IMPACT: variants seen among roughly 807,000 people sequenced by gnomAD.
The protein encoded by IMPACT is protein IMPACT.
A neutral mutation model predicts 47.5 loss-of-function variants in IMPACT; 35 were observed. The observed-to-expected ratio is 0.74, with a 90% CI of 0.56 to 0.98. The LOEUF (loss-of-function observed/expected upper bound fraction) is 0.98, where lower values mean the gene tolerates loss of function less well. Among genes scored for constraint, IMPACT ranks in the 50% least tolerant of loss-of-function variants. The pLI is 0.00. For missense variants in IMPACT, 373 were observed against 394.8 expected, an observed-to-expected ratio of 0.94 and a Z score of 0.47; for synonymous variants, 118 against 125.6, an observed-to-expected ratio of 0.94 and a Z score of 0.40.
intron 5 of IMPACT, among the ~76,000 whole-genome samples, chr18:24,439,016 G>A (rs1029197515): frequency 6.6e-6 from 1 of 152,154 alleles, no homozygotes; most frequent in Admixed American, 6.5e-5. Context: ...GCAGGCTGGG[G>A]ACCCAGGGAA....
At position 24,450,812 on chromosome 18, in the gene IMPACT, AAAGT is replaced by A; in HGVS notation, c.932_935del (p.Val311GlufsTer12). 4 of 1,610,734 alleles carry A rather than the reference AAAGT, an allele frequency of 2.5e-6. No individual in the cohort carries two copies. Among genetic ancestry groups the A allele is most frequent in the Admixed American group, 1.7e-5 (1 of 59,938 alleles). On this transcript the variant is annotated frameshift_variant, in exon 11 of 11. Coordinates refer to ENST00000284202, the MANE Select transcript of IMPACT (RefSeq NM_018439.4). LOFTEE classifies it high-confidence loss of function. ...ATCTAAGGCTTTGGGAAAGAACAAA[AAAGT>A]AAGAAAAGACAAGAAGAGGAATGAA...
intron 7 of IMPACT, 85 bp from the exon 8 acceptor site, chr18:24,445,308 C>A: frequency 1.3e-6 from 1 of 792,562 alleles, no homozygotes; most frequent in Non-Finnish European, 2.1e-6. Context: ...TATTTTAATA[C>A]AGCATGCTTC....
intron 8 of IMPACT, among the ~76,000 whole-genome samples, chr18:24,446,671 T>G (rs1599767619): frequency 2.0e-5 from 3 of 152,228 alleles, no homozygotes; most frequent in African/African-American, 7.2e-5. Context: ...TTAATATTAC[T>G]AATTTCACAT....
At chr18:24,447,272 A>G (rs1909271373) in intron 8 of IMPACT, among the ~76,000 whole-genome samples, 1 of 152,176 alleles carries the variant, frequency 6.6e-6, no homozygotes. Flanking sequence ...TTAAAAGTTT[A>G]CAGCTTTTTA....
chr18:24,448,152 C>G lies in IMPACT; in HGVS notation c.728C>G (p.Ala243Gly), dbSNP rs761761502. The change falls in exon 9 of 11, where the codon GCA (alanine) becomes GGA (glycine). Residue 243 changes from alanine to glycine, a missense_variant. Ala to Gly is a moderately conservative substitution (Grantham distance 60). Coordinates refer to ENST00000284202, the MANE Select transcript of IMPACT (RefSeq NM_018439.4). ...GATTGTGAGGATGATGGGGAAACAG[C>G]AGCTGGTGGGCGTCTTCTTCATCTC... The part of the protein sequence containing the change: ...LQDCEDDGET[A>G]AGGRLLHLME... 3.7e-6 allele frequency: 6 copies of G among 1,613,300 alleles called. No homozygotes were observed. The highest frequency in any genetic ancestry group is 1.7e-5 in the Admixed American group (1 of 59,998).
rs1383028790 is a variant in IMPACT, at chr18:24,443,041, A to G, written c.491-8A>G. On this transcript the variant is annotated splice_polypyrimidine_tract_variant and splice_region_variant and intron_variant, in intron 6 of 10. Transcript: ENST00000284202. ...TTTTAAAAAATAAAGTTTCTTTTAC[A>G]TTTCTAGAAGTAGAAGTAGAAGAAT... is the stretch of plus-strand genomic sequence containing the variant. 4.1e-6 allele frequency: 6 copies of G among 1,464,870 alleles called. No individual in the cohort carries two copies. The South Asian group carries it at 7.2e-5, about 18-fold the overall frequency. The allele number at this position is 1,464,870 out of a possible 1,614,324, so 90.7% of individuals were successfully genotyped here.
chr18:24,445,734 T>C (rs780412826), intron 8 of IMPACT, among the ~76,000 whole-genome samples: 1 of 152,220 alleles, frequency 6.6e-6, no homozygotes, highest in Admixed American at 6.5e-5. Context: ...TATTTACCCT[T>C]GTATCCTGTT....
At chr18:24,450,727 T>G (rs1909363162) in intron 10 of IMPACT, 52 bp from the exon 11 acceptor site, 1 of 1,170,688 alleles carries the variant, frequency 8.5e-7, no homozygotes, top group East Asian at 2.3e-5. Flanking sequence ...AGATTGAAGA[T>G]TTCATCTTTA....
In IMPACT at chr18:24,427,442, C is replaced by T. The variant is rs185891626; in HGVS notation, c.37-477C>T. 1.8e-3 allele frequency: 273 copies of T among 153,766 alleles called. 1 individual carries two copies. The highest frequency in any genetic ancestry group is 6.5e-3 in the African/African-American group (269 of 41,498). The allele number at this position is 153,766 out of a possible 1,614,324, so 9.5% of individuals were successfully genotyped here. On this transcript the variant is annotated intron_variant, in intron 1 of 10. Transcript: ENST00000284202. ...CAAGCAACCACCCACCCATCTAGTC[C>T]TTGTGTACCCCCTCCCCACCTCCCC...
At chr18:24,446,027 T>C (rs574094151) in intron 8 of IMPACT, among the ~76,000 whole-genome samples, 251 of 152,236 alleles carry the variant, frequency 1.6e-3, no homozygotes, top group African/African-American at 5.6e-3. Flanking sequence ...TATCAAAAAG[T>C]GTGAACAATT....
rs535856640 is a variant in IMPACT at position 24,451,028 on chromosome 18, C to G, written c.*181C>G. ...CTGCCAAAAATAGAGAACTTATGAT[C>G]TATTCATGTGTGTTTCAGGCTTATT... On this transcript the variant is annotated 3_prime_UTR_variant, in exon 11 of 11. Transcript: ENST00000284202. The G allele has an allele frequency of 4.1e-6, 2 of 486,064 alleles. No individual in the cohort carries two copies. The highest frequency in any genetic ancestry group is 6.7e-5 in the East Asian group (2 of 29,874). The allele number at this position is 486,064 out of a possible 1,614,324, so 30.1% of individuals were successfully genotyped here. A position where few individuals can be genotyped will look rare whatever the true frequency, so the allele number is the denominator to read the frequency against.
At chr18:24,432,139 CTG>C in intron 4 of IMPACT, among the ~76,000 whole-genome samples, 1 of 152,326 alleles carries the variant, frequency 6.6e-6, no homozygotes, top group East Asian at 1.9e-4. Context: ...GTTTAAGCCA[CTG>C]TGCCTGGCCA....
intron 6 of IMPACT, among the ~76,000 whole-genome samples, chr18:24,442,609 A>G (rs185640704): frequency 6.6e-4 from 101 of 152,382 alleles, no homozygotes; most frequent in Non-Finnish European, 1.3e-3. Context: ...TACACAATAT[A>G]AAGAATATAA....
At chr18:24,426,973 G>T in intron 1 of IMPACT, 181 bp downstream of exon 1, 3 of 426,628 alleles carry the variant, frequency 7.0e-6, no homozygotes, top group Non-Finnish European at 7.9e-6. Flanking sequence ...AGCGCTCTTA[G>T]GCCGGCGGCT....
At position 24,453,437 on chromosome 18, in the gene IMPACT, T is replaced by A. The variant is rs1262024559; in HGVS notation, c.*2590T>A. ...TATTTTTCTTTCCATAAAAATGGTA[T>A]TAAACTGTATATACTGTTTTGTAGC... is the stretch of plus-strand genomic sequence containing the variant. On this transcript the variant is annotated 3_prime_UTR_variant, in exon 11 of 11. Coordinates refer to ENST00000284202, the MANE Select transcript of IMPACT (RefSeq NM_018439.4). The A allele has an allele frequency of 6.6e-6, 1 of 152,214 alleles. No individual in the cohort carries two copies. The highest frequency in any genetic ancestry group is 1.5e-5 in the Non-Finnish European group (1 of 68,026). The allele number at this position is 152,214 out of a possible 1,614,324, so 9.4% of individuals were successfully genotyped here.
rs548709392 is a variant in IMPACT, at chr18:24,445,194, G to A, written c.595-199G>A. Among the ~76,000 whole-genome samples the A allele has an allele frequency of 5.9e-4, 90 of 152,164 alleles. 1 individual carries two copies. Among genetic ancestry groups the A allele is most frequent in the Non-Finnish European group, 1.0e-3 (70 of 68,028 alleles). On this transcript the variant is annotated intron_variant, in intron 7 of 10. Coordinates refer to ENST00000284202, the MANE Select transcript of IMPACT (RefSeq NM_018439.4). ...ATTAGTGCTCAAAAATACCAGGTCT[G>A]TCATTTTTATACCAATTATGAGTAC... is the stretch of plus-strand genomic sequence containing the variant.
rs1714834013 is a variant in IMPACT, at chr18:24,451,985, T to G, written c.*1138T>G. ...GAAATTTACCTTTGAGATATAACAA[T>G]AAGTGATTAACTGTTCACTTTCAGA... On this transcript the variant is annotated 3_prime_UTR_variant, in exon 11 of 11. Transcript: ENST00000284202. The G allele has an allele frequency of 6.6e-6, 1 of 151,766 alleles. No homozygotes were observed. The highest frequency in any genetic ancestry group is 6.6e-5 in the Admixed American group (1 of 15,188). The allele number at this position is 151,766 out of a possible 1,614,324, so 9.4% of individuals were successfully genotyped here.
At chr18:24,440,319 A>G (rs1909066458) in intron 5 of IMPACT, among the ~76,000 whole-genome samples, 177 bp from the exon 6 acceptor site, 1 of 152,196 alleles carries the variant, frequency 6.6e-6, no homozygotes, top group South Asian at 2.1e-4. Flanking sequence ...ATGAGGTTCC[A>G]GGTTCATCTT....
At chr18:24,439,419 C>CCT (rs1909034103) in intron 5 of IMPACT, 1 of 152,214 alleles carries the variant, frequency 6.6e-6, no homozygotes, top group Non-Finnish European at 1.5e-5. Context: ...GGGCGGATCA[C>CCT]GAGGTCAGGA....
Sources: allele counts gnomAD v4.1 joint callset (sites outside exome capture counted in the v4.1 genomes callset), GRCh38; gene constraint gnomAD v4.1.1; transcripts MANE v1.5; gene names NCBI Gene and HGNC (gene_info 2026-07-23, HGNC 2026-07-21).